The following SRPK2 variants were observed in gnomAD, a reference collection of about 807,000 sequenced individuals.
SRPK2 encodes SRSF protein kinase 2.
A neutral mutation model predicts 90.8 loss-of-function variants in SRPK2; 21 were observed. The observed-to-expected ratio is 0.23, with a 90% CI of 0.16 to 0.33. SRPK2 has a LOEUF of 0.33. Ranked by LOEUF, SRPK2 falls within the 10% of genes least tolerant of loss-of-function variation. The pLI is 1.00. For missense variants in SRPK2, 620 were observed against 869.0 expected, an observed-to-expected ratio of 0.71 and a Z score of 3.60; for synonymous variants, 288 against 311.1, an observed-to-expected ratio of 0.93 and a Z score of 0.78.
Position 105,142,321 on chromosome 7 carries a change from G to C in SRPK2, c.1230C>G (p.Asp410Glu). ...AGTCTTCTTCATCATCATCTTCATC[G>C]TCCAGTTGCTGCTCCAGTGAGAATG... The part of the protein sequence containing the change: ...NGPFSLEQQL[D>E]DEDDDEEDCP... Residue 410 changes from aspartate to glutamate, a missense_variant, in exon 11 of 16, where the codon GAC (aspartate) becomes GAG (glutamate). Coordinates refer to ENST00000393651, the MANE Select transcript of SRPK2 (RefSeq NM_182692.3). 1.2e-6 allele frequency: 2 copies of C among 1,613,988 alleles called. No individual in the cohort carries two copies. The highest frequency in any genetic ancestry group is 1.7e-6 in the Non-Finnish European group (2 of 1,179,982).
chr7:105,204,770 T>G, intron 2 of SRPK2: 2 of 547,860 alleles, frequency 3.7e-6, no homozygotes, highest in Admixed American at 4.6e-5. Context: ...TTAGCACCAG[T>G]TCCTCACACC....
intron 3 of SRPK2, among the ~76,000 whole-genome samples, chr7:105,181,619 C>T (rs1376806172): frequency 6.6e-6 from 1 of 152,062 alleles, no homozygotes. Flanking sequence ...AACACAGGAG[C>T]AGAAACCAAA....
At chr7:105,236,937 C>T (rs1800216553) in intron 2 of SRPK2, among the ~76,000 whole-genome samples, 1 of 152,204 alleles carries the variant, frequency 6.6e-6, no homozygotes, top group Non-Finnish European at 1.5e-5. Flanking sequence ...CTGAGAGATG[C>T]AGAATGTGAC....
chr7:105,126,881 G>T, intron 14 of SRPK2, 112 bp downstream of exon 14: 1 of 1,073,940 alleles, frequency 9.3e-7, no homozygotes, highest in Non-Finnish European at 1.4e-6. Flanking sequence ...TGAATTTGGT[G>T]TTTGAAAACC....
rs189975500 is a variant in SRPK2 at position 105,338,554 on chromosome 7, G to A, written c.71+50094C>T. 1.8e-3 allele frequency among the ~76,000 whole-genome samples: 269 copies of A among 152,252 alleles called. 2 individuals are homozygous for A. Among genetic ancestry groups the A allele is most frequent in the African/African-American group, 6.2e-3 (258 of 41,528 alleles). ...TTACAGGCATAAGCCACTGTGCCCC[G>A]CAGATTTTTAAGATAATATGAAAGT... On this transcript the variant is annotated intron_variant, in intron 2 of 15. Transcript: ENST00000393651.
intron 2 of SRPK2, chr7:105,206,264 T>C (rs550925237): frequency 2.0e-4 from 57 of 286,972 alleles, no homozygotes; most frequent in South Asian, 1.8e-3. Context: ...ACTAGTAGCA[T>C]TTTCTATATA....
intron 15 of SRPK2, 84 bp from the exon 16 acceptor site, chr7:105,118,106 A>T: frequency 6.9e-7 from 1 of 1,454,004 alleles, no homozygotes; most frequent in South Asian, 1.3e-5. Flanking sequence ...CTTTTCAGTG[A>T]AGCGGACAAC....
intron 2 of SRPK2, among the ~76,000 whole-genome samples, chr7:105,254,533 T>C (rs1432742161): frequency 6.6e-6 from 1 of 152,198 alleles, no homozygotes; most frequent in Non-Finnish European, 1.5e-5. Context: ...TAAATGATAC[T>C]ACAGATGATT....
At chr7:105,350,772 A>G (rs1018533241) in intron 2 of SRPK2, among the ~76,000 whole-genome samples, 1 of 152,040 alleles carries the variant, frequency 6.6e-6, no homozygotes, top group African/African-American at 2.4e-5. Context: ...TTGGCCTCCC[A>G]AAGTGCTATA....
chr7:105,221,911 C>G (rs1334557312), intron 2 of SRPK2, among the ~76,000 whole-genome samples: 1 of 152,134 alleles, frequency 6.6e-6, no homozygotes, highest in Non-Finnish European at 1.5e-5. Context: ...ACAGATAAAC[C>G]AAAATAACTC....
intron 2 of SRPK2, among the ~76,000 whole-genome samples, chr7:105,312,234 G>A (rs535790727): frequency 6.6e-6 from 1 of 152,288 alleles, no homozygotes; most frequent in South Asian, 2.1e-4. Flanking sequence ...AAGGTCAGGA[G>A]TTCGAGACCA....
chr7:105,200,221 AC>A (rs1188347090), intron 3 of SRPK2, among the ~76,000 whole-genome samples: 2 of 152,088 alleles, frequency 1.3e-5, no homozygotes, highest in Non-Finnish European at 2.9e-5. Flanking sequence ...AATTGCTTGA[AC>A]CCAGGAGGTG....
At chr7:105,323,156 C>T (rs1385636748) in intron 2 of SRPK2, among the ~76,000 whole-genome samples, 1 of 152,078 alleles carries the variant, frequency 6.6e-6, no homozygotes, top group East Asian at 1.9e-4. Flanking sequence ...CGCCACCACA[C>T]TCCAGCCTGG....
upstream of SRPK2, among the ~76,000 whole-genome samples, chr7:105,394,166 G>A (rs190039518): frequency 1.1e-4 from 16 of 142,296 alleles, no homozygotes; most frequent in Non-Finnish European, 2.0e-4. Flanking sequence ...TTTTTGAGAC[G>A]GAGCCTCATT....
intron 3 of SRPK2, among the ~76,000 whole-genome samples, chr7:105,196,354 G>A (rs181649498): frequency 6.6e-6 from 1 of 152,336 alleles, no homozygotes; most frequent in Admixed American, 6.5e-5. Context: ...AAAAGGAACA[G>A]AAAGTAAAGA....
chr7:105,388,903 G>GGAGACGA lies in SRPK2; in HGVS notation c.-104_-98dup. The GGAGACGA allele has an allele frequency of 8.1e-7, 1 of 1,234,990 alleles. No homozygotes were observed. Among genetic ancestry groups the GGAGACGA allele is most frequent in the Non-Finnish European group, 1.0e-6 (1 of 992,066 alleles). The allele number at this position is 1,234,990 out of a possible 1,614,324, so 76.5% of individuals were successfully genotyped here. Reference sequence around the variant, plus strand: ...CCTCCACTCGCTCCGCCGGCCGGGAGGAGACGAGAACCGCGCCTGCGCCGC... The same window carrying GGAGACGA: ...CCTCCACTCGCTCCGCCGGCCGGGAGGAGACGAGAGACGAGAACCGCGCCTGCGCCGC... On this transcript the variant is annotated 5_prime_UTR_variant, in exon 1 of 16. Transcript: ENST00000393651.
At chr7:105,173,044 G>A (rs1309353179) in intron 3 of SRPK2, among the ~76,000 whole-genome samples, 4 of 152,126 alleles carry the variant, frequency 2.6e-5, no homozygotes, top group African/African-American at 7.2e-5. Context: ...TACTACTGGA[G>A]TAAAGTATCC....
intron 2 of SRPK2, among the ~76,000 whole-genome samples, chr7:105,251,560 T>G (rs1802483941): frequency 6.6e-6 from 1 of 152,102 alleles, no homozygotes; most frequent in Non-Finnish European, 1.5e-5. Flanking sequence ...AATTCTTTCC[T>G]CTAAGCTTAA....
chr7:105,165,479 T>A (rs1434638500), intron 6 of SRPK2, among the ~76,000 whole-genome samples: 1 of 152,156 alleles, frequency 6.6e-6, no homozygotes, highest in Admixed American at 6.5e-5. Flanking sequence ...GCTCTGTGTC[T>A]ATCTAAAGAT....
Sources: allele counts gnomAD v4.1 joint callset (sites outside exome capture counted in the v4.1 genomes callset), GRCh38; gene constraint gnomAD v4.1.1; transcripts MANE v1.5; gene names NCBI Gene and HGNC (gene_info 2026-07-23, HGNC 2026-07-21).